The following NAV3 variants were observed in gnomAD, a reference collection of about 807,000 sequenced individuals.
NAV3 encodes neuron navigator 3.
NAV3 carries 87 observed loss-of-function variants against 244.7 expected under a neutral mutation model. The ratio of observed to expected loss-of-function variants is 0.36; its 90% CI spans 0.30 to 0.42. The LOEUF (loss-of-function observed/expected upper bound fraction) is 0.42. Among genes scored for constraint, NAV3 ranks in the 20% least tolerant of loss-of-function variants. The pLI is 1.00. For synonymous variants in NAV3, 1,126 were observed against 1,042.2 expected, an observed-to-expected ratio of 1.08 and a Z score of -1.55; for missense variants, 2,663 against 2,893.3, an observed-to-expected ratio of 0.92 and a Z score of 1.83.
chr12:77,671,964 A>G (rs1873996572), intron 2 of NAV3, among the ~76,000 whole-genome samples: 1 of 152,230 alleles, frequency 6.6e-6, no homozygotes, highest in Admixed American at 6.5e-5. Context: ...TAGAGTTAAC[A>G]GACAACCCAC....
chr12:77,622,671 A>G (rs1871431540), intron 2 of NAV3, among the ~76,000 whole-genome samples: 1 of 151,578 alleles, frequency 6.6e-6, no homozygotes, highest in African/African-American at 2.4e-5. Flanking sequence ...AAATCCTCAT[A>G]TCATAATTCC....
At chr12:77,913,036 A>G (rs1920425) in intron 1 of NAV3, among the ~76,000 whole-genome samples, 54,860 of 151,878 alleles carry the variant, frequency 0.36, 10,426 homozygotes, top group African/African-American at 0.47. Flanking sequence ...TATTTGAGAC[A>G]CAGTTTTGTT....
At chr12:77,675,161 C>A (rs1874150700) in intron 2 of NAV3, among the ~76,000 whole-genome samples, 2 of 152,126 alleles carry the variant, frequency 1.3e-5, no homozygotes, top group Admixed American at 1.3e-4. Context: ...AAAAATGTAG[C>A]ATTTTACATT....
At position 77,831,241 on chromosome 12, in the gene NAV3, G is replaced by T; in HGVS notation, c.-221G>T. The T allele has an allele frequency of 2.3e-6, 1 of 440,332 alleles. No homozygotes were observed. The highest frequency in any genetic ancestry group is 3.3e-5 in the South Asian group (1 of 29,890). 27.3% of individuals were successfully genotyped at this position (440,332 alleles called of 1,614,324 possible). On this transcript the variant is annotated 5_prime_UTR_variant, in exon 1 of 40. Coordinates refer to ENST00000397909, the MANE Select transcript of NAV3 (RefSeq NM_001024383.2). The stretch of plus-strand genomic sequence containing the variant: ...AGAAAGAGAGAGAGAGAGAGAATGA[G>T]AATGAATATGAATCCCAGCCAGCAA...
chr12:78,018,685 C>A (rs1257964199), intron 8 of NAV3, among the ~76,000 whole-genome samples: 2 of 152,162 alleles, frequency 1.3e-5, no homozygotes, highest in Admixed American at 6.6e-5. Context: ...ACCCTGGCTC[C>A]CAGCCAGTTC....
In NAV3 at chr12:78,047,471, A is replaced by C. The variant is rs1261900442; in HGVS notation, c.2024-2522A>C. ...CACTGCACTCCAGCCTGGGTGACAG[A>C]GCAAGACTCTGTCTCAAGCAAAACA... On this transcript the variant is annotated intron_variant, in intron 9 of 39. Coordinates refer to ENST00000397909, the MANE Select transcript of NAV3 (RefSeq NM_001024383.2). 2.6e-5 allele frequency among the ~76,000 whole-genome samples: 4 copies of C among 152,176 alleles called. 1 individual carries two copies. Among genetic ancestry groups the C allele is most frequent in the Admixed American group, 2.0e-4 (3 of 15,276 alleles).
At chr12:77,828,242 G>C (rs979082897), upstream of NAV3, among the ~76,000 whole-genome samples, 1 of 152,068 alleles carries the variant, frequency 6.6e-6, no homozygotes, top group Non-Finnish European at 1.5e-5. Context: ...TCTTATATGA[G>C]TGCTCTCTTG....
intron 34 of NAV3, among the ~76,000 whole-genome samples, chr12:78,194,257 C>T (rs2139941993): frequency 6.6e-6 from 1 of 152,096 alleles, no homozygotes; most frequent in South Asian, 2.1e-4. Context: ...ATAAGTTTAT[C>T]CTCTTCCATT....
intron 1 of NAV3, among the ~76,000 whole-genome samples, chr12:77,845,481 C>T (rs150177772): frequency 0.019 from 2,883 of 152,070 alleles, 73 homozygotes; most frequent in African/African-American, 0.065. Flanking sequence ...CAAATCATCA[C>T]GCTTTACTTC....
At chr12:78,208,984 G>A (rs927275805) in intron 39 of NAV3, among the ~76,000 whole-genome samples, 1 of 152,110 alleles carries the variant, frequency 6.6e-6, no homozygotes, top group African/African-American at 2.4e-5. Context: ...AAAGAGAGAG[G>A]AGAGTGGGAG....
chr12:77,722,281 A>G (rs930818837), intron 2 of NAV3, among the ~76,000 whole-genome samples: 37 of 152,064 alleles, frequency 2.4e-4, no homozygotes, highest in Admixed American at 3.3e-4. Flanking sequence ...TTTGATAGGG[A>G]TTATAATCAT....
chr12:77,855,600 A>C (rs949832002), intron 1 of NAV3, among the ~76,000 whole-genome samples: 2 of 152,222 alleles, frequency 1.3e-5, no homozygotes, highest in African/African-American at 4.8e-5. Context: ...CTTGGAATTT[A>C]CTTTGAGCAA....
chr12:77,583,145 G>T (rs1460933631), intron 2 of NAV3, among the ~76,000 whole-genome samples: 1 of 152,210 alleles, frequency 6.6e-6, no homozygotes, highest in Non-Finnish European at 1.5e-5. Flanking sequence ...TGCCTCTTAA[G>T]AATGTCACCA....
chr12:77,700,263 G>A (rs759885917), intron 2 of NAV3, among the ~76,000 whole-genome samples: 1 of 152,114 alleles, frequency 6.6e-6, no homozygotes, highest in Non-Finnish European at 1.5e-5. Flanking sequence ...AAATGACCTT[G>A]GAGTTGGAAG....
chr12:77,822,212 G>C (rs1592713037), intron 2 of NAV3, among the ~76,000 whole-genome samples: 1 of 152,146 alleles, frequency 6.6e-6, no homozygotes, highest in Non-Finnish European at 1.5e-5. Context: ...GTAAATGCAT[G>C]TCATAGAGCA....
At chr12:77,894,578 G>GCT (rs5799355) in intron 1 of NAV3, among the ~76,000 whole-genome samples, 151,295 of 152,288 alleles carry the variant, frequency 0.99, 75,163 homozygotes, top group Middle Eastern at 1. Context: ...ACCCTCACTA[G>GCT]GCCACCAGCA....
intron 2 of NAV3, among the ~76,000 whole-genome samples, chr12:77,729,990 G>A (rs1527790): frequency 0.49 from 73,687 of 151,648 alleles, 19,750 homozygotes; most frequent in East Asian, 0.87. Context: ...GGAATGAGGG[G>A]TATAGAATTA....
intron 2 of NAV3, among the ~76,000 whole-genome samples, chr12:77,613,720 AC>A (rs1871025921): frequency 6.6e-6 from 1 of 151,712 alleles, no homozygotes; most frequent in South Asian, 2.1e-4. Context: ...CATAGTATAA[AC>A]CCCCACACAC....
intron 1 of NAV3, among the ~76,000 whole-genome samples, chr12:77,867,980 T>A (rs1213364777): frequency 6.6e-6 from 1 of 152,178 alleles, no homozygotes; most frequent in African/African-American, 2.4e-5. Context: ...CACCAGATAC[T>A]GTCCCACATC....
Sources: gnomAD v4.1 joint callset for allele counts (sites outside exome capture counted in the v4.1 genomes callset) on GRCh38, gnomAD v4.1.1 for gene constraint, MANE v1.5 for transcripts, NCBI Gene and HGNC (gene_info 2026-07-23, HGNC 2026-07-21) for gene names.